The following PTOV1 variants were observed in gnomAD, a reference collection of about 807,000 sequenced individuals.
PTOV1 encodes PTOV1 extended AT-hook containing adaptor protein.
Under a neutral mutation model 58.0 loss-of-function variants are expected in PTOV1, and 20 were observed. That is an observed-to-expected ratio of 0.34 (90% CI 0.24 to 0.50). The LOEUF (loss-of-function observed/expected upper bound fraction) is 0.50. PTOV1 is among the 20% of genes least tolerant of loss of function. PTOV1 has a pLI of 0.98. For synonymous variants in PTOV1, 335 were observed against 234.2 expected (o/e 1.43, Z -3.93); for missense variants, 593 against 565.4 (o/e 1.05, Z -0.50).
exon 2 of PTOV1, chr19:49,854,465 C>T (rs779795928): frequency 8.7e-6 from 14 of 1,612,536 alleles, no homozygotes; most frequent in Non-Finnish European, 1.1e-5. Context: ...CTGGGCTCAC[C>T]CTCGGGGGTC....
At chr19:49,854,686 T>C in exon 3 of PTOV1, 2 of 1,613,430 alleles carry the variant, frequency 1.2e-6, no homozygotes, top group Non-Finnish European at 1.7e-6. Context: ...ACTGCAAAGC[T>C]GAAGCGGACC....
exon 1 of PTOV1, chr19:49,851,278 G>GC (rs1439341430): frequency 1.8e-6 from 2 of 1,081,990 alleles, no homozygotes; most frequent in Non-Finnish European, 2.2e-6. Flanking sequence ...GGAGCCCGCA[G>GC]CCCCCCTTGT....
At chr19:49,851,869 GTT>G (rs879622460) in intron 1 of PTOV1, 4 of 987,970 alleles carry the variant, frequency 4.0e-6, no homozygotes, top group African/African-American at 1.7e-5. Context: ...AATGGGGGCG[GTT>G]TTGGGGGACA....
At chr19:49,853,787 CTG>C (rs1385848355) in intron 1 of PTOV1, among the ~76,000 whole-genome samples, 1 of 152,218 alleles carries the variant, frequency 6.6e-6, no homozygotes, top group Admixed American at 6.5e-5. Context: ...CTTTTCCTCG[CTG>C]TCTTTCTCCT....
chr19:49,855,137 C>T, intron 5 of PTOV1, 60 bp downstream of exon 5: 2 of 1,472,498 alleles, frequency 1.4e-6, no homozygotes, highest in Non-Finnish European at 1.9e-6. Flanking sequence ...AGGCAGCGCT[C>T]TGCTCACACA....
At chr19:49,857,659 G>C in intron 6 of PTOV1, 34 bp from the exon 7 acceptor site, 1 of 1,591,804 alleles carries the variant, frequency 6.3e-7, no homozygotes, top group South Asian at 1.1e-5. Flanking sequence ...CCAGGAGCCT[G>C]GGCCCCTCTT....
At chr19:49,852,946 G>A (rs1189972596) in intron 1 of PTOV1, 1 of 152,108 alleles carries the variant, frequency 6.6e-6, no homozygotes, top group Non-Finnish European at 1.5e-5. Context: ...GAAGCCCCCG[G>A]GGCAACATCC....
rs2074506590 is a variant in PTOV1 at position 49,857,149 on chromosome 19, G to A, written c.714+19G>A. The stretch of plus-strand genomic sequence containing the variant: ...CAAGCAGGTGTGCCAGCCAAGCACA[G>A]CCCCTCTGGGGACAGAGGGGGATTA... On this transcript the variant is annotated intron_variant, in intron 6 of 11. Transcript: ENST00000391842. 1 of 1,613,574 alleles carries A rather than the reference G, an allele frequency of 6.2e-7. No individual in the cohort carries two copies. The highest frequency in any genetic ancestry group is 8.5e-7 in the Non-Finnish European group (1 of 1,179,850).
Position 49,854,639 on chromosome 19 carries a change from C to A in PTOV1, c.310-13C>A. On this transcript the variant is annotated splice_polypyrimidine_tract_variant and intron_variant, in intron 2 of 11. Coordinates refer to ENST00000391842, the Ensembl canonical transcript of PTOV1. ...CTAGGCTGTGCACAGTGACGCCCCT[C>A]CTGCCCCCACAGAAGCGCAGACCCT... 1.9e-6 allele frequency: 3 copies of A among 1,613,402 alleles called. No homozygotes were observed. Among genetic ancestry groups the A allele is most frequent in the East Asian group, 2.2e-5 (1 of 44,872 alleles).
rs373466285 is a variant in PTOV1 at position 49,859,036 on chromosome 19, T to C, written c.1041+383T>C. On this transcript the variant is annotated intron_variant, in intron 10 of 11. Transcript: ENST00000391842. ...AGCAAGGTCCCAGAATATTTGGCGATTGTCTTATCTGGGGGAGGCTCAGCT... is the reference window on the plus strand; with the variant it reads ...AGCAAGGTCCCAGAATATTTGGCGACTGTCTTATCTGGGGGAGGCTCAGCT... 215 of 173,152 alleles carry C rather than the reference T, an allele frequency of 1.2e-3. 3 individuals carry two copies. In the South Asian group the frequency reaches 0.036, roughly 29 times the overall value. The allele number at this position is 173,152 out of a possible 1,614,324, so 10.7% of individuals were successfully genotyped here. A position where few individuals can be genotyped will look rare whatever the true frequency, so the allele number is the denominator to read the frequency against.
exon 12 of PTOV1, chr19:49,860,296 G>A (rs1252623926): frequency 6.2e-7 from 1 of 1,612,436 alleles, no homozygotes; most frequent in Non-Finnish European, 8.5e-7. Flanking sequence ...CCCCGGGCTG[G>A]GCCCCTCCAG....
At chr19:49,855,027 A>G in exon 5 of PTOV1, 1 of 1,601,636 alleles carries the variant, frequency 6.2e-7, no homozygotes, top group East Asian at 2.3e-5. Flanking sequence ...CTTCACCAAC[A>G]GAGACTGCGA....
rs1482725268 is a variant in PTOV1, at chr19:49,854,964, C to T, written c.451-6C>T. On this transcript the variant is annotated splice_polypyrimidine_tract_variant and splice_region_variant and intron_variant, in intron 4 of 11. Transcript: ENST00000391842. ...CTGACCCAGCTGTCTGTCCTGTCGC[C>T]CCCAGACCACCCTGGGCCCCCTGTT... The T allele has an allele frequency of 5.0e-6, 8 of 1,599,218 alleles. No homozygotes were observed. The South Asian group carries it at 5.6e-5, about 11-fold the overall frequency.
intron 1 of PTOV1, chr19:49,851,919 C>G: frequency 1.0e-6 from 1 of 967,010 alleles, no homozygotes; most frequent in Non-Finnish European, 1.2e-6. Context: ...ACCAGCGCCC[C>G]CAGATGTCGC....
intron 1 of PTOV1, chr19:49,852,153 C>T (rs983125198): frequency 1.8e-5 from 16 of 878,512 alleles, no homozygotes; most frequent in African/African-American, 1.5e-4. Context: ...GCTGTAAAAC[C>T]GCACATCGCG....
At chr19:49,852,496 G>A (rs1294245322) in intron 1 of PTOV1, 1 of 152,192 alleles carries the variant, frequency 6.6e-6, no homozygotes, top group Non-Finnish European at 1.5e-5. Context: ...CTGTGCAATA[G>A]GGATGTCAGG....
chr19:49,857,975 C>G (rs200629879), exon 8 of PTOV1: 1 of 1,613,224 alleles, frequency 6.2e-7, no homozygotes, highest in Admixed American at 1.7e-5. Context: ...AGGGGGAGAT[C>G]CTGTGAGTGC....
intron 10 of PTOV1, among the ~76,000 whole-genome samples, chr19:49,859,523 G>C (rs2122277983): frequency 6.6e-6 from 1 of 151,512 alleles, no homozygotes; most frequent in African/African-American, 2.4e-5. Context: ...AGTGAGCTGA[G>C]ATCATGCCAT....
At chr19:49,853,795 C>T (rs2074352608) in intron 1 of PTOV1, among the ~76,000 whole-genome samples, 1 of 152,184 alleles carries the variant, frequency 6.6e-6, no homozygotes, top group Admixed American at 6.5e-5. Flanking sequence ...CGCTGTCTTT[C>T]TCCTGGATGG....
Sources: allele counts gnomAD v4.1 joint callset (sites outside exome capture counted in the v4.1 genomes callset), GRCh38; gene constraint gnomAD v4.1.1; transcripts MANE v1.5; gene names NCBI Gene and HGNC (gene_info 2026-07-23, HGNC 2026-07-21).